The following LTBP1 variants were observed in gnomAD, a reference collection of about 807,000 sequenced individuals.
The protein encoded by LTBP1 is latent-transforming growth factor beta-binding protein 1.
In LTBP1, 129 loss-of-function variants were observed where a neutral mutation model predicts 207.6. The ratio of observed to expected loss-of-function variants is 0.62; its 90% CI spans 0.54 to 0.72. The LOEUF is 0.72. Ranked by LOEUF, LTBP1 falls within the 30% of genes least tolerant of loss-of-function variation. The probability of loss-of-function intolerance (pLI) is 0.00; values close to 1 mark genes in which losing one functional copy is unlikely to be tolerated. For synonymous variants in LTBP1, 963 were observed against 833.7 expected (o/e 1.16, Z -2.67); for missense variants, 2,281 against 2,217.2 (o/e 1.03, Z -0.58).
At chr2:32,955,492 A>G (rs1409910777) in intron 2 of LTBP1, among the ~76,000 whole-genome samples, 1 of 151,980 alleles carries the variant, frequency 6.6e-6, no homozygotes, top group Non-Finnish European at 1.5e-5. Flanking sequence ...ATTTTTTTTA[A>G]TTACAAAATT....
intron 31 of LTBP1, among the ~76,000 whole-genome samples, chr2:33,374,820 CGT>C (rs1267949148): frequency 6.6e-6 from 1 of 152,082 alleles, no homozygotes; most frequent in Non-Finnish European, 1.5e-5. Context: ...GGTGTGGTGG[CGT>C]GTGCCTCTAG....
chr2:33,361,114 G>A (rs191535104), intron 27 of LTBP1, among the ~76,000 whole-genome samples: 1 of 152,308 alleles, frequency 6.6e-6, no homozygotes, highest in African/African-American at 2.4e-5. Context: ...CTATGATTTC[G>A]TGTAATTGAT....
In LTBP1 at chr2:33,398,515, G is replaced by A; in HGVS notation, c.5136G>A (p.Leu1712=). The A allele has an allele frequency of 6.2e-7, 1 of 1,614,064 alleles. No individual in the cohort carries two copies. Among genetic ancestry groups the A allele is most frequent in the Non-Finnish European group, 8.5e-7 (1 of 1,179,988 alleles). The part of the protein sequence containing the change: ...PNYCTPLNTA[L]NLEKDSDLE ...ACTGCACTCCGTTGAATACCGCCTT[G>A]AATTTAGAGAAAGACAGTGACCTGG... The change falls in exon 34 of 34, where the codon TTG becomes TTA. Residue 1712 remains leucine, a synonymous_variant. Coordinates refer to ENST00000404816, the MANE Select transcript of LTBP1 (RefSeq NM_206943.4).
At chr2:33,021,365 A>G (rs966680629) in intron 3 of LTBP1, among the ~76,000 whole-genome samples, 159 bp downstream of exon 3, 1 of 152,216 alleles carries the variant, frequency 6.6e-6, no homozygotes, top group Non-Finnish European at 1.5e-5. Context: ...TAGGCTTTAC[A>G]CATGGAATCT....
intron 3 of LTBP1, among the ~76,000 whole-genome samples, chr2:33,047,097 TG>T (rs1317556255): frequency 3.3e-5 from 5 of 152,320 alleles, no homozygotes; most frequent in African/African-American, 1.2e-4. Context: ...AAGGGTTTTT[TG>T]TGTCTCTATC....
intron 5 of LTBP1, among the ~76,000 whole-genome samples, chr2:33,144,177 T>C (rs2082842329): frequency 6.6e-6 from 1 of 152,154 alleles, no homozygotes; most frequent in Middle Eastern, 3.4e-3. Flanking sequence ...GAGACAGTGG[T>C]TGCTTTATTT....
chr2:33,253,500 T>C (rs1175530885), intron 11 of LTBP1, among the ~76,000 whole-genome samples: 1 of 152,180 alleles, frequency 6.6e-6, no homozygotes, highest in Admixed American at 6.5e-5. Context: ...CAGGATCAAG[T>C]AGAGTTAAGT....
Position 33,187,043 on chromosome 2 carries a change from C to T in LTBP1, c.1389C>T (p.Thr463=). 6.2e-7 allele frequency: 1 copy of T among 1,614,166 alleles called. No homozygotes were observed. The highest frequency in any genetic ancestry group is 8.5e-7 in the Non-Finnish European group (1 of 1,180,018). ...LGTHVIHSTH[T]LPLTVTSQQG... is the part of the protein sequence containing the mutation. Reference sequence around the variant, plus strand: ...CGCATGTCATCCATTCAACACATACCTTGCCTCTGACCGTGACTAGCCAGC... The same window carrying T: ...CGCATGTCATCCATTCAACACATACTTTGCCTCTGACCGTGACTAGCCAGC... Residue 463 remains threonine (T), a synonymous_variant, in exon 6 of 34, where the codon ACC becomes ACT. Transcript: ENST00000404816.
intron 9 of LTBP1, among the ~76,000 whole-genome samples, chr2:33,228,191 A>T (rs535126826): frequency 1.4e-4 from 22 of 152,310 alleles, no homozygotes; most frequent in Non-Finnish European, 2.9e-4. Flanking sequence ...GATTCATGAT[A>T]AACTATGTTT....
chr2:32,959,547 A>ATGTG (rs1208584717), intron 2 of LTBP1, among the ~76,000 whole-genome samples: 11 of 103,520 alleles, frequency 1.1e-4, no homozygotes, highest in African/African-American at 2.2e-4. Context: ...TGCTGTATAT[A>ATGTG]TATGTGTGTG....
chr2:33,389,336 C>T (rs1424573391), intron 32 of LTBP1, 30 bp downstream of exon 32: 2 of 1,612,528 alleles, frequency 1.2e-6, no homozygotes, highest in East Asian at 4.5e-5. Flanking sequence ...TCCTTTGATA[C>T]TAAGTTGTGG....
intron 7 of LTBP1, among the ~76,000 whole-genome samples, chr2:33,215,921 G>T (rs866215621): frequency 1.2e-4 from 18 of 151,964 alleles, no homozygotes; most frequent in South Asian, 1.0e-3. Flanking sequence ...CACCATGTTG[G>T]CCAGAATGGT....
chr2:33,047,012 T>G (rs2076481579), intron 3 of LTBP1, among the ~76,000 whole-genome samples: 1 of 152,260 alleles, frequency 6.6e-6, no homozygotes, highest in African/African-American at 2.4e-5. Context: ...TTTTCTTCTT[T>G]ATTAGTGTGG....
intron 15 of LTBP1, among the ~76,000 whole-genome samples, chr2:33,266,844 A>G (rs1457445465): frequency 6.6e-6 from 1 of 152,218 alleles, no homozygotes; most frequent in East Asian, 1.9e-4. Flanking sequence ...TGGGACAAGA[A>G]CTCAGAGCCC....
rs558225684 is a variant in LTBP1, at chr2:33,346,679, C to T, written c.3857-688C>T. ...CAGCCTGGGTGACAGAATGAGACGC[C>T]GTCTCAAAAAAAAAAAAGAACTGAG... On this transcript the variant is annotated intron_variant, in intron 25 of 33. Coordinates refer to ENST00000404816, the MANE Select transcript of LTBP1 (RefSeq NM_206943.4). 3.2e-4 allele frequency among the ~76,000 whole-genome samples: 47 copies of T among 146,768 alleles called. No individual in the cohort carries two copies. The East Asian group carries it at 8.8e-3, about 28-fold the overall frequency.
intron 15 of LTBP1, among the ~76,000 whole-genome samples, chr2:33,269,238 T>C (rs2093260425): frequency 6.6e-6 from 1 of 152,210 alleles, no homozygotes; most frequent in Non-Finnish European, 1.5e-5. Context: ...AGAGTAAAAA[T>C]ACCACACTGT....
chr2:33,118,190 CA>C lies in LTBP1; in HGVS notation c.1033+7452del, dbSNP rs1399685000. On this transcript the variant is annotated intron_variant, in intron 4 of 33. Coordinates refer to ENST00000404816, the MANE Select transcript of LTBP1 (RefSeq NM_206943.4). ...ATGGAGACTACCTTTAACTTGTGTG[CA>C]AAAAAAAAAAAACAAAAAAAAAACA... is the stretch of plus-strand genomic sequence containing the variant. Among the ~76,000 whole-genome samples, 583 of 81,358 alleles carry C rather than the reference CA, an allele frequency of 7.2e-3. 4 individuals carry two copies. Among genetic ancestry groups the C allele is most frequent in the African/African-American group, 0.026 (495 of 18,706 alleles). 53.4% of individuals were successfully genotyped at this position (81,358 alleles called of 152,430 possible).
chr2:33,060,314 C>T (rs913389164), intron 3 of LTBP1, among the ~76,000 whole-genome samples: 3 of 152,196 alleles, frequency 2.0e-5, no homozygotes, highest in Non-Finnish European at 2.9e-5. Context: ...TAATTTCCCC[C>T]TATTTTTAAA....
intron 3 of LTBP1, among the ~76,000 whole-genome samples, chr2:33,089,679 C>T (rs79695786): frequency 0.039 from 5,984 of 152,294 alleles, 193 homozygotes; most frequent in Non-Finnish European, 0.065. Flanking sequence ...ATATTACTAA[C>T]TAAAGTCTAT....
Sources: allele counts gnomAD v4.1 joint callset (sites outside exome capture counted in the v4.1 genomes callset), GRCh38; gene constraint gnomAD v4.1.1; transcripts MANE v1.5; gene names NCBI Gene and HGNC (gene_info 2026-07-23, HGNC 2026-07-21).